The following SLC9A8 variants were observed in gnomAD, a reference collection of about 807,000 sequenced individuals.
SLC9A8 encodes sodium/hydrogen exchanger 8.
Under a neutral mutation model 66.6 loss-of-function variants are expected in SLC9A8, and 48 were observed. That is an observed-to-expected ratio of 0.72 (90% CI 0.57 to 0.92). The LOEUF (loss-of-function observed/expected upper bound fraction) is 0.92, where lower values mean the gene tolerates loss of function less well. SLC9A8 is among the 40% of genes least tolerant of loss of function. The pLI, the probability that SLC9A8 is intolerant of heterozygous loss-of-function variation, is 0.00. For missense variants in SLC9A8, 599 were observed against 747.3 expected (o/e 0.80, Z 2.31); for synonymous variants, 274 against 282.6 (o/e 0.97, Z 0.31).
chr20:49,859,147 G>A (rs764918924), intron 8 of SLC9A8, among the ~76,000 whole-genome samples: 4 of 152,136 alleles, frequency 2.6e-5, no homozygotes, highest in African/African-American at 4.8e-5. Flanking sequence ...CAGCAGCACT[G>A]CCACTGCTGA....
Position 49,889,713 on chromosome 20 carries a change from A to G in SLC9A8, c.*1777A>G, listed in dbSNP as rs2089999217. On this transcript the variant is annotated 3_prime_UTR_variant, in exon 16 of 16. Transcript: ENST00000361573. Reference sequence around the variant, plus strand: ...ATTTTGGTTTCCACCATTTCCTTTTAGTGGAGAAGAGAGGAAGTCAGAGGG... The same window carrying G: ...ATTTTGGTTTCCACCATTTCCTTTTGGTGGAGAAGAGAGGAAGTCAGAGGG... 1 of 152,124 alleles carries G rather than the reference A, an allele frequency of 6.6e-6. No individual in the cohort carries two copies. The highest frequency in any genetic ancestry group is 2.4e-5 in the African/African-American group (1 of 41,418). 9.4% of individuals were successfully genotyped at this position (152,124 alleles called of 1,614,324 possible). A position where few individuals can be genotyped will look rare whatever the true frequency, so the allele number is the denominator to read the frequency against.
At chr20:49,834,185 C>A (rs6125782) in intron 3 of SLC9A8, among the ~76,000 whole-genome samples, 4,565 of 33,002 alleles carry the variant, frequency 0.14, 198 homozygotes, top group Non-Finnish European at 0.15. Context: ...CTCTCTCTCT[C>A]TATATATATA....
At chr20:49,813,517 GATTA>G (rs1375147937) in intron 1 of SLC9A8, among the ~76,000 whole-genome samples, 1 of 152,226 alleles carries the variant, frequency 6.6e-6, no homozygotes, top group African/African-American at 2.4e-5. Flanking sequence ...TTCAGATCGT[GATTA>G]ATTAACGTTA....
In SLC9A8 at chr20:49,850,784, G is replaced by C. The variant is rs183496375; in HGVS notation, c.535-26G>C. On this transcript the variant is annotated intron_variant, in intron 6 of 15. Transcript: ENST00000361573. ...CAGGGTTTTTTTTTTGTGTGTGTCT[G>C]TGTGTTTGTGTGTTTTATTTTACAG... 9.9e-6 allele frequency: 16 copies of C among 1,609,336 alleles called. No homozygotes were observed. In the East Asian group the frequency reaches 3.6e-4, roughly 36 times the overall value.
At chr20:49,865,534 T>C (rs1649089395) in intron 10 of SLC9A8, among the ~76,000 whole-genome samples, 1 of 152,168 alleles carries the variant, frequency 6.6e-6, no homozygotes. Context: ...GCCTTTTCCC[T>C]GCACCCCATT....
In SLC9A8 at chr20:49,886,605, G is replaced by T; in HGVS notation, c.1492-147G>T. Reference sequence around the variant, plus strand: ...CTGCCTCCCTGCAGGCTCCCAGGAGGCCGTCTGCTGCCCGTCACCCTGCAT... The same window carrying T: ...CTGCCTCCCTGCAGGCTCCCAGGAGTCCGTCTGCTGCCCGTCACCCTGCAT... On this transcript the variant is annotated intron_variant, in intron 14 of 15. Coordinates refer to ENST00000361573, the MANE Select transcript of SLC9A8 (RefSeq NM_015266.3). The surrounding 1 kb of genome is among the most constrained non-coding windows in gnomAD (Gnocchi z 4.8). 1.1e-6 allele frequency: 1 copy of T among 905,620 alleles called. No individual in the cohort carries two copies. The highest frequency in any genetic ancestry group is 1.8e-5 in the South Asian group (1 of 56,198). The allele number at this position is 905,620 out of a possible 1,614,324, so 56.1% of individuals were successfully genotyped here.
chr20:49,813,431 A>G lies in SLC9A8; in HGVS notation c.26+483A>G, dbSNP rs533116775. Among the ~76,000 whole-genome samples, 11 of 152,302 alleles carry G rather than the reference A, an allele frequency of 7.2e-5. No homozygotes were observed. The South Asian group carries it at 2.3e-3, about 32-fold the overall frequency. ...CCAGGCCCTGGGCAGGTGGTAGGAA[A>G]GGAGGCCGACCAGGAGCCGCTCTCT... is the stretch of plus-strand genomic sequence containing the variant. On this transcript the variant is annotated intron_variant, in intron 1 of 15. Coordinates refer to ENST00000361573, the MANE Select transcript of SLC9A8 (RefSeq NM_015266.3).
At position 49,850,874 on chromosome 20, in the gene SLC9A8, G is replaced by C. The variant is rs150490294; in HGVS notation, c.569+30G>C. The C allele has an allele frequency of 6.0e-5, 92 of 1,539,340 alleles. 1 individual carries two copies. The East Asian group carries it at 2.0e-3, about 33-fold the overall frequency. On this transcript the variant is annotated intron_variant, in intron 7 of 15. Coordinates refer to ENST00000361573, the MANE Select transcript of SLC9A8 (RefSeq NM_015266.3). ...ATCCTTCATACTGTAACACCCATGC[G>C]ACTGCTTTTCAGACAGGGGAAATGT...
At chr20:49,834,493 T>TAC (rs1157933796) in intron 3 of SLC9A8, among the ~76,000 whole-genome samples, 21 of 142,996 alleles carry the variant, frequency 1.5e-4, no homozygotes, top group East Asian at 8.0e-4. Flanking sequence ...ACTGTATATA[T>TAC]ACACACACAC....
intron 6 of SLC9A8, among the ~76,000 whole-genome samples, chr20:49,850,047 GT>G (rs2088181675): frequency 6.6e-6 from 1 of 152,172 alleles, no homozygotes; most frequent in Non-Finnish European, 1.5e-5. Context: ...GTTGAATGCT[GT>G]TTTTTGATAA....
chr20:49,854,369 C>T (rs2088379244), intron 7 of SLC9A8, among the ~76,000 whole-genome samples: 1 of 152,000 alleles, frequency 6.6e-6, no homozygotes, highest in Non-Finnish European at 1.5e-5. Flanking sequence ...GGCTTGCTCC[C>T]ACCGCAGGAG....
chr20:49,838,766 G>A (rs752730135), intron 3 of SLC9A8, among the ~76,000 whole-genome samples: 1 of 152,092 alleles, frequency 6.6e-6, no homozygotes, highest in Non-Finnish European at 1.5e-5. Context: ...CCTCCTACCC[G>A]AGATTGTGAT....
rs1002565049 is a variant in SLC9A8, at chr20:49,872,439, A to G, written c.959-2266A>G. ...TTAGCAGTTGACAAGTCTGTAATAC[A>G]GTGCTGTGATTTTCACCCTTTTTTT... On this transcript the variant is annotated intron_variant, in intron 10 of 15. Transcript: ENST00000361573. Among the ~76,000 whole-genome samples, 12 of 146,892 alleles carry G rather than the reference A, an allele frequency of 8.2e-5. No individual in the cohort carries two copies. The Middle Eastern group carries it at 0.011, about 130-fold the overall frequency.
chr20:49,861,630 G>A (rs935455074), intron 8 of SLC9A8, among the ~76,000 whole-genome samples: 22 of 152,140 alleles, frequency 1.4e-4, no homozygotes, highest in Non-Finnish European at 2.6e-4. Context: ...AAGGAGATCA[G>A]TGAGACTTAT....
intron 12 of SLC9A8, among the ~76,000 whole-genome samples, chr20:49,880,637 A>C (rs553214553): frequency 1.1e-4 from 16 of 152,292 alleles, no homozygotes; most frequent in African/African-American, 3.8e-4. Context: ...TTCTGCTGTC[A>C]TTACTAAAGC....
intron 7 of SLC9A8, among the ~76,000 whole-genome samples, chr20:49,854,758 C>T (rs2088399396): frequency 6.6e-6 from 1 of 152,196 alleles, no homozygotes; most frequent in Non-Finnish European, 1.5e-5. Context: ...CTCATACAGT[C>T]ACTGTCTGGA....
chr20:49,859,779 A>C (rs2088660048), intron 8 of SLC9A8, among the ~76,000 whole-genome samples: 1 of 152,224 alleles, frequency 6.6e-6, no homozygotes, highest in East Asian at 1.9e-4. Context: ...ACTGCTGTAG[A>C]GGAAACCTTT....
chr20:49,885,392 C>G (rs987365716), intron 14 of SLC9A8, among the ~76,000 whole-genome samples: 14 of 152,126 alleles, frequency 9.2e-5, no homozygotes, highest in African/African-American at 2.9e-4. Context: ...GTGGCGTGAT[C>G]GTGGCCCACT....
Position 49,878,025 on chromosome 20 carries a change from C to G in SLC9A8, c.1120C>G (p.Pro374Ala). 6.2e-7 allele frequency: 1 copy of G among 1,602,632 alleles called. No individual in the cohort carries two copies. Among genetic ancestry groups the G allele is most frequent in the Non-Finnish European group, 8.5e-7 (1 of 1,177,160 alleles). The change falls in exon 12 of 16, where the codon CCT (proline) becomes GCT (alanine). Residue 374 changes from proline (P) to alanine (A), a missense_variant. This residue lies in a region of SLC9A8 where 467 missense variants were observed against 626.5 expected (regional missense o/e 0.75). Transcript: ENST00000361573. ...TCTTGGCCTGTCCATTTTTAGTTTT[C>G]CTCACAAGTTTGAAATTTCCTTTGT... ...AFLGLSIFSF[P>A]HKFEISFVIW...
Sources: gnomAD v4.1 joint callset for allele counts (sites outside exome capture counted in the v4.1 genomes callset) on GRCh38, gnomAD v4.1.1 for gene constraint, gnomAD v4.1.1 regional missense constraint, Gnocchi (gnomAD v3.1) non-coding constraint, MANE v1.5 for transcripts, NCBI Gene and HGNC (gene_info 2026-07-23, HGNC 2026-07-21) for gene names.